FNIP1: variants seen among roughly 807,000 people sequenced by gnomAD.
FNIP1 encodes the protein folliculin interacting protein 1, also known as folliculin-interacting protein 1.
FNIP1 carries 40 observed loss-of-function variants against 124.5 expected under a neutral mutation model. The ratio of observed to expected loss-of-function variants is 0.32; its 90% CI spans 0.25 to 0.42. FNIP1 has a LOEUF of 0.42. Ranked by LOEUF, FNIP1 falls within the 10% of genes least tolerant of loss-of-function variation. FNIP1 has a pLI of 1.00. For synonymous variants in FNIP1, 472 were observed against 470.6 expected (o/e 1.00, Z -0.04); for missense variants, 1,176 against 1,403.7 (o/e 0.84, Z 2.59).
intron 15 of FNIP1, among the ~76,000 whole-genome samples, chr5:131,665,898 A>AT (rs751409571): frequency 0.027 from 3,087 of 114,710 alleles, 309 homozygotes; most frequent in East Asian, 0.24. Flanking sequence ...CTAAAATAAT[A>AT]CTTTTTTTTT....
chr5:131,780,362 A>G (rs10478989), intron 1 of FNIP1, among the ~76,000 whole-genome samples: 119,293 of 152,128 alleles, frequency 0.78, 47,016 homozygotes, highest in African/African-American at 0.83. Context: ...GGAAGCATAA[A>G]GTACCTTCAA....
intron 1 of FNIP1, among the ~76,000 whole-genome samples, chr5:131,785,198 C>A (rs942633372): frequency 2.2e-5 from 3 of 138,984 alleles, no homozygotes; most frequent in Non-Finnish European, 4.7e-5. Flanking sequence ...ATATATATGA[C>A]TATATATATA....
chr5:131,719,479 T>A (rs1327109494), intron 3 of FNIP1, 62 bp from the exon 4 acceptor site: 7 of 1,425,284 alleles, frequency 4.9e-6, no homozygotes, highest in Non-Finnish European at 6.8e-6. Flanking sequence ...ATTTCATATG[T>A]TGATTTTTAT....
intron 15 of FNIP1, among the ~76,000 whole-genome samples, chr5:131,657,120 C>CAG (rs1767218570): frequency 6.8e-6 from 1 of 147,500 alleles, no homozygotes; most frequent in South Asian, 2.2e-4. Context: ...TCTCCTGACT[C>CAG]AGACTCTCAA....
intron 11 of FNIP1, among the ~76,000 whole-genome samples, chr5:131,686,602 C>G (rs1390800818): frequency 6.6e-6 from 1 of 152,062 alleles, no homozygotes; most frequent in Non-Finnish European, 1.5e-5. Context: ...TTATGGGGTA[C>G]AATGTGTAAT....
intron 10 of FNIP1, among the ~76,000 whole-genome samples, chr5:131,702,879 G>T (rs1414390477): frequency 6.6e-6 from 1 of 152,146 alleles, no homozygotes; most frequent in African/African-American, 2.4e-5. Context: ...GCCTCTGCTG[G>T]TTCCTTCTCA....
intron 3 of FNIP1, among the ~76,000 whole-genome samples, chr5:131,730,568 T>C (rs375915869): frequency 1.3e-5 from 2 of 152,238 alleles, no homozygotes; most frequent in East Asian, 3.8e-4. Flanking sequence ...CAATCATACT[T>C]TAATTTCATA....
intron 11 of FNIP1, among the ~76,000 whole-genome samples, chr5:131,690,708 A>C (rs1768449816): frequency 2.0e-5 from 3 of 152,206 alleles, no homozygotes. Context: ...AAAATGGACT[A>C]ATAGCCGTGT....
chr5:131,773,459 A>G (rs986876193), intron 1 of FNIP1, among the ~76,000 whole-genome samples: 1 of 152,186 alleles, frequency 6.6e-6, no homozygotes, highest in Non-Finnish European at 1.5e-5. Flanking sequence ...AATTGTAGTT[A>G]GAGATTTCCA....
chr5:131,698,172 A>G (rs1009119406), intron 11 of FNIP1, among the ~76,000 whole-genome samples: 2 of 152,164 alleles, frequency 1.3e-5, no homozygotes, highest in African/African-American at 4.8e-5. Context: ...AGATCACCAG[A>G]GGTAGTAAAT....
chr5:131,697,408 T>G (rs749582915), intron 11 of FNIP1, among the ~76,000 whole-genome samples: 13 of 152,014 alleles, frequency 8.6e-5, no homozygotes, highest in Non-Finnish European at 1.9e-4. Flanking sequence ...TACAGGCACA[T>G]GCCAACACGC....
intron 12 of FNIP1, among the ~76,000 whole-genome samples, chr5:131,678,430 C>T (rs563084077): frequency 8.3e-4 from 127 of 152,244 alleles, no homozygotes; most frequent in Middle Eastern, 3.4e-3. Flanking sequence ...TTGTTTGAGA[C>T]GGAGTCTTGC....
At chr5:131,700,196 A>T (rs1235349909) in intron 10 of FNIP1, among the ~76,000 whole-genome samples, 1 of 151,718 alleles carries the variant, frequency 6.6e-6, no homozygotes, top group Non-Finnish European at 1.5e-5. Context: ...GTTGACCAAG[A>T]TGGTCTCGAT....
At chr5:131,765,219 C>G (rs1253403074) in intron 1 of FNIP1, among the ~76,000 whole-genome samples, 1 of 151,594 alleles carries the variant, frequency 6.6e-6, no homozygotes, top group Non-Finnish European at 1.5e-5. Context: ...GAGACCTTGT[C>G]TGCGGGGGAA....
chr5:131,757,940 T>C (rs1771101711), intron 1 of FNIP1, among the ~76,000 whole-genome samples: 1 of 152,164 alleles, frequency 6.6e-6, no homozygotes, highest in Non-Finnish European at 1.5e-5. Flanking sequence ...AAAATGCTGG[T>C]CAAAATTATC....
chr5:131,793,857 A>G (rs1044696786), intron 1 of FNIP1, among the ~76,000 whole-genome samples: 11 of 152,100 alleles, frequency 7.2e-5, no homozygotes, highest in Non-Finnish European at 1.3e-4. Flanking sequence ...AAAACAAAAC[A>G]CCCAAAAAAG....
chr5:131,668,581 A>G (rs1185143923), intron 15 of FNIP1, among the ~76,000 whole-genome samples: 1 of 152,188 alleles, frequency 6.6e-6, no homozygotes. Flanking sequence ...GCTACTCCAG[A>G]GGCTGAGGCA....
intron 17 of FNIP1, among the ~76,000 whole-genome samples, chr5:131,646,670 G>A (rs1042718214): frequency 2.0e-5 from 3 of 152,134 alleles, no homozygotes; most frequent in African/African-American, 7.2e-5. Flanking sequence ...AGAGTAGACA[G>A]ATATAATATA....
chr5:131,794,923 A>T (rs746051706), intron 1 of FNIP1, among the ~76,000 whole-genome samples: 2 of 152,240 alleles, frequency 1.3e-5, no homozygotes, highest in Non-Finnish European at 2.9e-5. Context: ...AAGTGTTCTA[A>T]AACTTCATGG....
Sources: allele counts gnomAD v4.1 joint callset (sites outside exome capture counted in the v4.1 genomes callset), GRCh38; gene constraint gnomAD v4.1.1; transcripts MANE v1.5; gene names NCBI Gene and HGNC (gene_info 2026-07-23, HGNC 2026-07-21).